Variants in ADGRV1 observed in about 807,000 individuals in gnomAD.
ADGRV1 encodes adhesion G protein-coupled receptor V1, also known as G-protein coupled receptor 98.
In ADGRV1, 359 loss-of-function variants were observed where a neutral mutation model predicts 596.2. That is an observed-to-expected ratio of 0.60 (90% confidence interval 0.55 to 0.66). ADGRV1 has a LOEUF of 0.66. Among genes scored for constraint, ADGRV1 ranks in the 30% least tolerant of loss-of-function variants. ADGRV1 has a pLI of 0.00. For synonymous variants in ADGRV1, 2,681 were observed against 2,679.2 expected, an observed-to-expected ratio of 1.00 and a Z score of -0.02; for missense variants, 7,274 against 7,575.6, an observed-to-expected ratio of 0.96 and a Z score of 1.48.
chr5:90,736,372 G>T (rs117521523), intron 50 of ADGRV1, among the ~76,000 whole-genome samples: 1 of 151,918 alleles, frequency 6.6e-6, no homozygotes, highest in African/African-American at 2.4e-5. Flanking sequence ...AATTCAATTT[G>T]CTATTGTCTT....
At chr5:90,628,057 C>T in intron 7 of ADGRV1, 1 of 206,414 alleles carries the variant, frequency 4.8e-6, no homozygotes, top group Non-Finnish European at 9.5e-6. Context: ...TAGTAGTTCC[C>T]TAGGACACAT....
At chr5:90,704,583 A>G (rs1254036970) in intron 36 of ADGRV1, 95 bp downstream of exon 36, 7 of 689,228 alleles carry the variant, frequency 1.0e-5, no homozygotes, top group Non-Finnish European at 1.7e-5. Flanking sequence ...GATGCATACC[A>G]ATTTTTAAAA....
chr5:91,038,373 T>C (rs1180193984), intron 85 of ADGRV1, among the ~76,000 whole-genome samples: 2 of 152,172 alleles, frequency 1.3e-5, no homozygotes, highest in Admixed American at 1.3e-4. Flanking sequence ...CCTCCATTGT[T>C]GTATGAGGGA....
At chr5:91,074,818 C>A (rs76879861) in intron 86 of ADGRV1, among the ~76,000 whole-genome samples, 5 of 152,148 alleles carry the variant, frequency 3.3e-5, no homozygotes, top group Non-Finnish European at 5.9e-5. Context: ...ATTCCCTTTT[C>A]GCTACAGCCT....
At chr5:91,038,223 A>G (rs1193652040) in intron 85 of ADGRV1, among the ~76,000 whole-genome samples, 1 of 152,210 alleles carries the variant, frequency 6.6e-6, no homozygotes, top group African/African-American at 2.4e-5. Flanking sequence ...TAGAGAAACT[A>G]CAAGAAAGCG....
At chr5:90,738,561 A>G in intron 50 of ADGRV1, among the ~76,000 whole-genome samples, 1 of 152,144 alleles carries the variant, frequency 6.6e-6, no homozygotes, top group East Asian at 1.9e-4. Context: ...TTTCTGAAGG[A>G]CAGCTTTCCT....
intron 80 of ADGRV1, 25 bp from the exon 81 acceptor site, chr5:90,854,035 TTA>T: frequency 6.6e-7 from 1 of 1,511,026 alleles, no homozygotes; most frequent in Non-Finnish European, 9.0e-7. Context: ...TAAAACATCA[TTA>T]TATGTTCTGT....
chr5:91,003,717 AG>A (rs1172132448), intron 85 of ADGRV1, among the ~76,000 whole-genome samples: 1 of 152,234 alleles, frequency 6.6e-6, no homozygotes, highest in Non-Finnish European at 1.5e-5. Flanking sequence ...GAAAGGAAAG[AG>A]TGCCAGAGGA....
chr5:90,941,004 TC>T (rs755467473), intron 83 of ADGRV1, among the ~76,000 whole-genome samples: 38 of 151,834 alleles, frequency 2.5e-4, no homozygotes, highest in Admixed American at 3.9e-4. Context: ...TTTGCTTTTT[TC>T]CCCCCTCCCA....
At chr5:91,138,142 C>T (rs768213749) in intron 87 of ADGRV1, among the ~76,000 whole-genome samples, 17 of 151,964 alleles carry the variant, frequency 1.1e-4, no homozygotes, top group Non-Finnish European at 2.4e-4. Context: ...CTGAGGTTAC[C>T]CTAGTGATTG....
chr5:90,830,463 A>C lies in ADGRV1; in HGVS notation c.16611+1277A>C, dbSNP rs556182391. 7.9e-5 allele frequency among the ~76,000 whole-genome samples: 12 copies of C among 152,284 alleles called. 1 individual carries two copies. In the South Asian group the frequency reaches 2.3e-3, roughly 29 times the overall value. On this transcript the variant is annotated intron_variant, in intron 77 of 89. Transcript: ENST00000405460. ...TGGAGAATGGAAGAAGGGGGACTGG[A>C]AATGAAAAACCAGATGATAAAAGAG...
intron 53 of ADGRV1, 71 bp from the exon 54 acceptor site, chr5:90,753,503 A>AT: frequency 8.7e-7 from 1 of 1,155,766 alleles, no homozygotes. Context: ...AAGAAAATCA[A>AT]TTTTTAAAAT....
At chr5:90,815,227 G>T (rs1401215973) in intron 74 of ADGRV1, among the ~76,000 whole-genome samples, 1 of 152,104 alleles carries the variant, frequency 6.6e-6, no homozygotes, top group South Asian at 2.1e-4. Flanking sequence ...TTCTGTTCTC[G>T]GAGCTGGGGA....
chr5:90,879,022 G>C (rs1160202655), intron 83 of ADGRV1, among the ~76,000 whole-genome samples: 2 of 152,174 alleles, frequency 1.3e-5, no homozygotes, highest in African/African-American at 4.8e-5. Flanking sequence ...AGTGGCTTGG[G>C]GAAGCTGTTG....
At chr5:91,075,655 A>G (rs568847189) in intron 86 of ADGRV1, among the ~76,000 whole-genome samples, 31 of 152,316 alleles carry the variant, frequency 2.0e-4, no homozygotes, top group African/African-American at 7.5e-4. Flanking sequence ...AATAGTCATT[A>G]TACTTGGACT....
chr5:91,135,547 A>T (rs775086385), intron 87 of ADGRV1, among the ~76,000 whole-genome samples: 17 of 152,286 alleles, frequency 1.1e-4, no homozygotes, highest in Non-Finnish European at 2.2e-4. Flanking sequence ...TAGATGATAC[A>T]TTTCGACCCA....
In ADGRV1 at chr5:90,772,218, A is replaced by G. The variant is rs558200193; in HGVS notation, c.12286-1968A>G. Among the ~76,000 whole-genome samples, 10 of 152,284 alleles carry G rather than the reference A, an allele frequency of 6.6e-5. No individual in the cohort carries two copies. In the South Asian group the frequency reaches 8.3e-4, roughly 13 times the overall value. ...TCACTAAGGTGTATTTGCAACCTCCAAAGTCGATACTTCTGGTGTTTTCAT... is the reference window on the plus strand; with the variant it reads ...TCACTAAGGTGTATTTGCAACCTCCGAAGTCGATACTTCTGGTGTTTTCAT... On this transcript the variant is annotated intron_variant, in intron 59 of 89. Transcript: ENST00000405460.
At chr5:91,012,012 A>G (rs1204429697) in intron 85 of ADGRV1, among the ~76,000 whole-genome samples, 3 of 151,772 alleles carry the variant, frequency 2.0e-5, no homozygotes, top group Non-Finnish European at 4.4e-5. Context: ...ATTATAGTGT[A>G]TCTCACATTT....
chr5:90,675,094 A>G, intron 23 of ADGRV1, 149 bp from the exon 24 acceptor site: 1 of 589,848 alleles, frequency 1.7e-6, no homozygotes, highest in Non-Finnish European at 3.0e-6. Context: ...AAAGCATGTT[A>G]GTTAAATCTT....
Sources: allele counts gnomAD v4.1 joint callset (sites outside exome capture counted in the v4.1 genomes callset), GRCh38; gene constraint gnomAD v4.1.1; transcripts MANE v1.5; gene names NCBI Gene and HGNC (gene_info 2026-07-23, HGNC 2026-07-21).